The following CYSLTR2 variants were observed in gnomAD, a reference collection of about 807,000 sequenced individuals.
CYSLTR2 encodes the protein G-protein coupled receptor GPCR21.
For synonymous variants in CYSLTR2, 179 were observed against 160.8 expected, an observed-to-expected ratio of 1.11 and a Z score of -0.86; for missense variants, 398 against 411.9, an observed-to-expected ratio of 0.97 and a Z score of 0.29.
Position 48,661,895 on chromosome 13 carries a change from A to C in CYSLTR2, c.-266+7878A>C, listed in dbSNP as rs191165231. ...TCCTTTGAACTAGTTGAAACTATTTAATACATTATTGTTAATTAGAGCCAT... is the reference window on the plus strand; with the variant it reads ...TCCTTTGAACTAGTTGAAACTATTTCATACATTATTGTTAATTAGAGCCAT... On this transcript the variant is annotated intron_variant, in intron 1 of 4. Coordinates refer to ENST00000682523, the MANE Select transcript of CYSLTR2 (RefSeq NM_001308476.3). Among the ~76,000 whole-genome samples, 33 of 152,266 alleles carry C rather than the reference A, an allele frequency of 2.2e-4. No individual in the cohort carries two copies. The East Asian group carries it at 6.2e-3, about 28-fold the overall frequency.
At chr13:48,662,363 G>A (rs1377140561) in intron 1 of CYSLTR2, among the ~76,000 whole-genome samples, 1 of 152,140 alleles carries the variant, frequency 6.6e-6, no homozygotes, top group Non-Finnish European at 1.5e-5. Flanking sequence ...AAGCTTTTGG[G>A]CAAGTACCCA....
chr13:48,675,545 G>T lies in CYSLTR2; in HGVS notation c.-265-15667G>T, dbSNP rs545641310. ...CAGACTGCTGCTGTGCTGGCAGCAAGAATTTCAAGCCAGTGGATCTTAGCT... is the reference window on the plus strand; with the variant it reads ...CAGACTGCTGCTGTGCTGGCAGCAATAATTTCAAGCCAGTGGATCTTAGCT... On this transcript the variant is annotated intron_variant, in intron 1 of 4. Transcript: ENST00000682523. Among the ~76,000 whole-genome samples the T allele has an allele frequency of 3.3e-5, 5 of 152,174 alleles. No individual in the cohort carries two copies. In the East Asian group the frequency reaches 9.7e-4, roughly 29 times the overall value.
At chr13:48,691,072 A>T (rs1954027568) in intron 1 of CYSLTR2, 140 bp from the exon 2 acceptor site, 1 of 152,040 alleles carries the variant, frequency 6.6e-6, no homozygotes, top group African/African-American at 2.4e-5. Context: ...TTATTTTGCC[A>T]TCTGAACTTA....
chr13:48,686,028 C>T (rs904351049), intron 1 of CYSLTR2, among the ~76,000 whole-genome samples: 1 of 152,180 alleles, frequency 6.6e-6, no homozygotes, highest in Non-Finnish European at 1.5e-5. Context: ...TTTTACAGAA[C>T]ATCTCATGGA....
At chr13:48,658,932 C>G (rs1237602794) in intron 1 of CYSLTR2, among the ~76,000 whole-genome samples, 1 of 152,022 alleles carries the variant, frequency 6.6e-6, no homozygotes, top group Non-Finnish European at 1.5e-5. Context: ...AAAGGTCACT[C>G]TGGCCACTGT....
At chr13:48,679,861 C>T (rs969487130) in intron 1 of CYSLTR2, among the ~76,000 whole-genome samples, 9 of 152,178 alleles carry the variant, frequency 5.9e-5, no homozygotes, top group African/African-American at 1.9e-4. Context: ...TCAAGAACCC[C>T]GATGCCAATT....
chr13:48,695,986 T>C (rs1594009322), intron 3 of CYSLTR2, among the ~76,000 whole-genome samples: 1 of 152,226 alleles, frequency 6.6e-6, no homozygotes, highest in South Asian at 2.1e-4. Flanking sequence ...ACAGCCAAAT[T>C]GTTTTCCAGA....
At chr13:48,679,526 C>T (rs1022276383) in intron 1 of CYSLTR2, among the ~76,000 whole-genome samples, 12 of 152,204 alleles carry the variant, frequency 7.9e-5, no homozygotes, top group Admixed American at 7.9e-4. Flanking sequence ...GGAATTTGGG[C>T]ACACAAGCTA....
At chr13:48,671,784 T>A (rs755684270) in intron 1 of CYSLTR2, among the ~76,000 whole-genome samples, 1 of 152,230 alleles carries the variant, frequency 6.6e-6, no homozygotes, top group Non-Finnish European at 1.5e-5. Context: ...AGGATGATGC[T>A]GGACTCATAA....
intron 3 of CYSLTR2, among the ~76,000 whole-genome samples, chr13:48,694,420 T>C (rs936966840): frequency 1.3e-5 from 2 of 152,180 alleles, no homozygotes; most frequent in African/African-American, 2.4e-5. Context: ...ATAGAACAGA[T>C]GTTAGAGGCT....
At chr13:48,670,931 G>T (rs1953410768) in intron 1 of CYSLTR2, among the ~76,000 whole-genome samples, 1 of 152,168 alleles carries the variant, frequency 6.6e-6, no homozygotes, top group South Asian at 2.1e-4. Flanking sequence ...TCTTCCATTT[G>T]TTTGTGTCCT....
intron 1 of CYSLTR2, among the ~76,000 whole-genome samples, chr13:48,668,563 T>G (rs1400859425): frequency 6.6e-6 from 1 of 152,174 alleles, no homozygotes; most frequent in African/African-American, 2.4e-5. Context: ...TCATCAGATA[T>G]GGGGTTGGGG....
intron 1 of CYSLTR2, among the ~76,000 whole-genome samples, chr13:48,679,327 C>T (rs898934312): frequency 2.6e-5 from 4 of 152,162 alleles, no homozygotes; most frequent in African/African-American, 9.7e-5. Context: ...GGCCCTTCTT[C>T]CTCATAGAGC....
At chr13:48,663,322 G>A (rs1480609351) in intron 1 of CYSLTR2, among the ~76,000 whole-genome samples, 1 of 151,990 alleles carries the variant, frequency 6.6e-6, no homozygotes, top group Non-Finnish European at 1.5e-5. Flanking sequence ...TTAGCTATTT[G>A]GGTTCTTTTG....
chr13:48,704,412 TG>T (rs1954429022), intron 4 of CYSLTR2, among the ~76,000 whole-genome samples: 14 of 152,178 alleles, frequency 9.2e-5, no homozygotes, highest in Admixed American at 3.3e-4. Flanking sequence ...TCGATTGTAT[TG>T]ACTTTTTTCA....
At chr13:48,676,260 G>A (rs1953593321) in intron 1 of CYSLTR2, among the ~76,000 whole-genome samples, 1 of 152,190 alleles carries the variant, frequency 6.6e-6, no homozygotes, top group Non-Finnish European at 1.5e-5. Context: ...ACTAGTTGGT[G>A]CTGACTCTCA....
At chr13:48,665,274 A>AG (rs1953232752) in intron 1 of CYSLTR2, among the ~76,000 whole-genome samples, 1 of 152,134 alleles carries the variant, frequency 6.6e-6, no homozygotes, top group Non-Finnish European at 1.5e-5. Context: ...CTGATGAAAA[A>AG]TAAATATGTA....
intron 1 of CYSLTR2, among the ~76,000 whole-genome samples, chr13:48,662,471 CCAA>C (rs1953154727): frequency 6.6e-6 from 1 of 152,138 alleles, no homozygotes; most frequent in African/African-American, 2.4e-5. Flanking sequence ...TACAGTCCCA[CCAA>C]CAACACATGA....
At chr13:48,654,280 TGTGTGTGTGTGTGTGTGTGTGTGTGA>T (rs1247822918) in intron 1 of CYSLTR2, among the ~76,000 whole-genome samples, 8 of 114,328 alleles carry the variant, frequency 7.0e-5, no homozygotes, top group Admixed American at 2.3e-4. Flanking sequence ...TGTGTGTGTG[TGTGTGTGTGTGTGTGTGTGTGTGTGA>T]GTGTGTGTGT....
Sources: gnomAD v4.1 joint callset for allele counts (sites outside exome capture counted in the v4.1 genomes callset) on GRCh38, gnomAD v4.1.1 for gene constraint, MANE v1.5 for transcripts, NCBI Gene and HGNC (gene_info 2026-07-23, HGNC 2026-07-21) for gene names.